MAST4: variants seen among roughly 807,000 people sequenced by gnomAD.
MAST4 encodes the protein microtubule associated serine/threonine kinase family member 4, also known as microtubule-associated serine/threonine-protein kinase 4.
Under a neutral mutation model 162.7 loss-of-function variants are expected in MAST4, and 89 were observed. The ratio of observed to expected loss-of-function variants is 0.55; its 90% CI spans 0.46 to 0.65. MAST4 has a LOEUF of 0.65. MAST4 is among the 30% of genes least tolerant of loss of function. MAST4 has a pLI of 0.00. For missense variants in MAST4, 3,153 were observed against 3,374.0 expected (o/e 0.93, Z 1.62); for synonymous variants, 1,479 against 1,361.1 (o/e 1.09, Z -1.91).
chr5:66,964,185 T>G, intron 4 of MAST4: 2 of 389,368 alleles, frequency 5.1e-6, no homozygotes, highest in Non-Finnish European at 9.9e-6. Flanking sequence ...TACAGGATAA[T>G]GTATTTAAAT....
At chr5:67,127,313 G>C (rs930818573) in intron 14 of MAST4, among the ~76,000 whole-genome samples, 2 of 152,126 alleles carry the variant, frequency 1.3e-5, no homozygotes, top group Non-Finnish European at 2.9e-5. Context: ...TGTGGTGCTG[G>C]TTTTCGAAGG....
intron 4 of MAST4, among the ~76,000 whole-genome samples, chr5:66,904,862 T>C (rs1487598947): frequency 2.0e-5 from 3 of 152,142 alleles, no homozygotes; most frequent in Non-Finnish European, 4.4e-5. Context: ...AAAATGATCC[T>C]GACACCCAGG....
intron 5 of MAST4, among the ~76,000 whole-genome samples, chr5:67,080,990 GTA>G (rs1385869281): frequency 2.5e-5 from 3 of 119,794 alleles, no homozygotes; most frequent in Admixed American, 1.8e-4. Flanking sequence ...ATATATAATT[GTA>G]TATATTATAT....
Position 67,152,726 on chromosome 5 carries a change from C to T in MAST4, c.3385C>T (p.Arg1129Ter). Reference protein sequence around the residue: ...PSSSRDSSPSRDSSAASASPH... With the variant: ...PSSSRDSSPS ...TTCTTCACGAGATTCCTCTCCCAGCCGAGATTCCTCAGCAGCTTCTGCCAG... is the reference window on the plus strand; with the variant it reads ...TTCTTCACGAGATTCCTCTCCCAGCTGAGATTCCTCAGCAGCTTCTGCCAG... Residue 1129 changes from arginine (R) to a stop codon, truncating the protein, a stop_gained, in exon 25 of 29, where the codon CGA becomes TGA. Coordinates refer to ENST00000403625, the MANE Select transcript of MAST4 (RefSeq NM_001164664.2). LOFTEE classifies it high-confidence loss of function. 4 of 1,614,062 alleles carry T rather than the reference C, an allele frequency of 2.5e-6. No homozygotes were observed. Among genetic ancestry groups the T allele is most frequent in the Non-Finnish European group, 3.4e-6 (4 of 1,179,900 alleles).
intron 3 of MAST4, chr5:66,828,901 C>G: frequency 5.1e-6 from 8 of 1,565,850 alleles, no homozygotes; most frequent in Non-Finnish European, 7.0e-6. Context: ...CTGCTCCATT[C>G]TTGACATGTA....
intron 1 of MAST4, among the ~76,000 whole-genome samples, chr5:66,673,497 C>T (rs572810823): frequency 6.7e-4 from 101 of 150,056 alleles, no homozygotes; most frequent in Non-Finnish European, 1.1e-3. Flanking sequence ...ATTGGAACTA[C>T]AATACGCTAG....
intron 1 of MAST4, among the ~76,000 whole-genome samples, chr5:66,632,794 A>G (rs1434980490): frequency 6.6e-6 from 1 of 152,214 alleles, no homozygotes; most frequent in Non-Finnish European, 1.5e-5. Context: ...AATTGTTGAT[A>G]AGTATGAAAT....
In MAST4 at chr5:66,874,825, T is replaced by C. The variant is rs148334675; in HGVS notation, c.643-25126T>C. Among the ~76,000 whole-genome samples, 378 of 152,336 alleles carry C rather than the reference T, an allele frequency of 2.5e-3. 3 individuals carry two copies. The highest frequency in any genetic ancestry group is 8.9e-3 in the African/African-American group (370 of 41,578). ...CTATCTCAGAGCAGATGGTCTTCTT[T>C]TCTCACTACTATAAACCTTTTAGGA... On this transcript the variant is annotated intron_variant, in intron 3 of 28. Transcript: ENST00000403625.
chr5:66,860,641 G>A (rs1760036053), intron 3 of MAST4, among the ~76,000 whole-genome samples: 1 of 149,698 alleles, frequency 6.7e-6, no homozygotes, highest in Admixed American at 6.6e-5. Context: ...TTCGTCAGCA[G>A]CCTTTCTTGT....
intron 1 of MAST4, among the ~76,000 whole-genome samples, chr5:66,613,472 C>T (rs1743432733): frequency 6.6e-6 from 1 of 152,046 alleles, no homozygotes; most frequent in African/African-American, 2.4e-5. Context: ...TTCTGTCTCC[C>T]CTAACGTATA....
chr5:66,783,790 G>A lies in MAST4; in HGVS notation c.518-4880G>A, dbSNP rs138636449. ...CTTGCTTTACAATATCCTGTGAGAC[G>A]TAACAAAACTGCAGTATTGAAAGCG... On this transcript the variant is annotated intron_variant, in intron 2 of 28. Transcript: ENST00000403625. Among the ~76,000 whole-genome samples, 6 of 152,196 alleles carry A rather than the reference G, an allele frequency of 3.9e-5. No individual in the cohort carries two copies. The East Asian group carries it at 7.7e-4, about 20-fold the overall frequency.
rs369899614 is a variant in MAST4, at chr5:66,788,738, G to T, written c.586G>T (p.Val196Leu). 11 of 1,612,808 alleles carry T rather than the reference G, an allele frequency of 6.8e-6. No homozygotes were observed. Among genetic ancestry groups the T allele is most frequent in the Non-Finnish European group, 7.6e-6 (9 of 1,179,346 alleles). ...GGCCTCTGCAGAGACGTCCAACCTC[G>T]TGCGCATGCGCAGCCAGGCCCTGGG... ...WPASAETSNL[V>L]RMRSQALGQS... is the part of the protein sequence containing the mutation. The change falls in exon 3 of 29, where the codon GTG (valine) becomes TTG (leucine). Residue 196 changes from valine (V) to leucine (L), a missense_variant. By Grantham distance (32) the Val-to-Leu change is conservative. This residue lies in a region of MAST4 where 327 missense variants were observed against 336.5 expected (regional missense o/e 0.97). Coordinates refer to ENST00000403625, the MANE Select transcript of MAST4 (RefSeq NM_001164664.2).
At position 67,163,138 on chromosome 5, in the gene MAST4, C is replaced by T. The variant is rs745492964; in HGVS notation, c.3968-9C>T. On this transcript the variant is annotated splice_polypyrimidine_tract_variant and intron_variant, in intron 28 of 28. Transcript: ENST00000403625. The surrounding 1 kb of genome is among the most constrained non-coding windows in gnomAD (Gnocchi z 7.0). ...TGGATGCTCACAGCCTTCTGTTTTC[C>T]ATCCACAGGTACTAATTCCTCCCAG... 1.9e-6 allele frequency: 3 copies of T among 1,591,672 alleles called. No individual in the cohort carries two copies. The highest frequency in any genetic ancestry group is 4.5e-5 in the East Asian group (2 of 44,328).
At chr5:66,732,177 C>T (rs1361814626) in intron 1 of MAST4, among the ~76,000 whole-genome samples, 7 of 152,026 alleles carry the variant, frequency 4.6e-5, no homozygotes, top group African/African-American at 1.7e-4. Context: ...GTCCGGTTTC[C>T]TATTGACTTT....
At chr5:67,022,822 T>TTG (rs1754149113) in intron 4 of MAST4, among the ~76,000 whole-genome samples, 1 of 152,194 alleles carries the variant, frequency 6.6e-6, no homozygotes, top group Non-Finnish European at 1.5e-5. Flanking sequence ...TTGATCTGAT[T>TTG]TGTGTGTGTG....
chr5:66,985,423 G>A (rs1189284925), intron 4 of MAST4, among the ~76,000 whole-genome samples: 1 of 152,108 alleles, frequency 6.6e-6, no homozygotes, highest in Non-Finnish European at 1.5e-5. Context: ...AGCTTGAGGG[G>A]CCCTAGATTT....
rs139078017 is a variant in MAST4 at position 67,005,140 on chromosome 5, C to T, written c.675-49264C>T. Reference sequence around the variant, plus strand: ...GGGAATGCTTTCACTTCCCAGGGGCCCACAGGCGGAGCTGCCTGAGCCCCT... The same window carrying T: ...GGGAATGCTTTCACTTCCCAGGGGCTCACAGGCGGAGCTGCCTGAGCCCCT... On this transcript the variant is annotated intron_variant, in intron 4 of 28. Coordinates refer to ENST00000403625, the MANE Select transcript of MAST4 (RefSeq NM_001164664.2). The T allele has an allele frequency of 2.0e-3, 1,474 of 721,402 alleles. 5 individuals are homozygous for T. The highest frequency in any genetic ancestry group is 3.2e-3 in the Non-Finnish European group (1,235 of 387,230). 44.7% of individuals were successfully genotyped at this position (721,402 alleles called of 1,614,324 possible). A position where few individuals can be genotyped will look rare whatever the true frequency, so the allele number is the denominator to read the frequency against.
At chr5:67,139,539 G>C (rs547217298) in intron 19 of MAST4, among the ~76,000 whole-genome samples, 17 of 152,286 alleles carry the variant, frequency 1.1e-4, no homozygotes, top group Admixed American at 7.8e-4. Context: ...TCATTGTCCT[G>C]AGTCTCAGTT....
intron 4 of MAST4, among the ~76,000 whole-genome samples, chr5:66,987,440 T>G (rs74290418): frequency 4.8e-5 from 7 of 146,660 alleles, no homozygotes; most frequent in Admixed American, 4.1e-4. Context: ...CCCTTTTTTT[T>G]GTAATTTTTT....
Sources: allele counts gnomAD v4.1 joint callset (sites outside exome capture counted in the v4.1 genomes callset), GRCh38; gene constraint gnomAD v4.1.1; regional missense constraint gnomAD v4.1.1; non-coding constraint Gnocchi (gnomAD v3.1); transcripts MANE v1.5; gene names NCBI Gene and HGNC (gene_info 2026-07-23, HGNC 2026-07-21).